Variants in COL24A1 observed in about 807,000 individuals in gnomAD.
COL24A1 encodes collagen alpha-1(XXIV) chain.
Under a neutral mutation model 253.9 loss-of-function variants are expected in COL24A1, and 224 were observed. The observed-to-expected ratio is 0.88, with a 90% CI of 0.79 to 0.99. The LOEUF is 0.99. Ranked by LOEUF, COL24A1 falls within the 50% of genes least tolerant of loss-of-function variation. COL24A1 has a pLI of 0.00. For synonymous variants in COL24A1, 685 were observed against 673.7 expected, an observed-to-expected ratio of 1.02 and a Z score of -0.26; for missense variants, 2,131 against 2,068.5, an observed-to-expected ratio of 1.03 and a Z score of -0.59.
At chr1:86,156,005 G>T in intron 1 of COL24A1, 1 of 239,946 alleles carries the variant, frequency 4.2e-6, no homozygotes, top group Non-Finnish European at 8.0e-6. Context: ...CGAGGGCGGC[G>T]GGAGCTGGAG....
intron 28 of COL24A1, among the ~76,000 whole-genome samples, chr1:85,897,386 A>G (rs924941627): frequency 6.6e-6 from 1 of 152,006 alleles, no homozygotes; most frequent in African/African-American, 2.4e-5. Context: ...CACCTCCTGT[A>G]CACGTACCCC....
chr1:85,804,983 G>A (rs927092959), intron 47 of COL24A1, among the ~76,000 whole-genome samples: 1 of 151,986 alleles, frequency 6.6e-6, no homozygotes. Context: ...AGTAGCTATA[G>A]GCACATGCTA....
chr1:86,100,009 C>T (rs573796296), intron 5 of COL24A1, among the ~76,000 whole-genome samples: 1 of 152,118 alleles, frequency 6.6e-6, no homozygotes, highest in South Asian at 2.1e-4. Context: ...ATAAATCATG[C>T]TGCTATAAAG....
intron 24 of COL24A1, among the ~76,000 whole-genome samples, chr1:85,958,361 C>T (rs1334401763): frequency 6.6e-6 from 1 of 152,024 alleles, no homozygotes; most frequent in South Asian, 2.1e-4. Flanking sequence ...TTGTCATAGT[C>T]CCTTGTACTA....
At chr1:85,961,596 G>A (rs917366793) in intron 23 of COL24A1, among the ~76,000 whole-genome samples, 1 of 152,090 alleles carries the variant, frequency 6.6e-6, no homozygotes, top group African/African-American at 2.4e-5. Context: ...AAATAGTAAC[G>A]TATCAGTCTG....
At chr1:85,964,886 C>T in intron 23 of COL24A1, 123 bp downstream of exon 23, 1 of 755,470 alleles carries the variant, frequency 1.3e-6, no homozygotes, top group South Asian at 2.1e-5. Flanking sequence ...CTCTTTGTAA[C>T]AGTTTTAACA....
intron 32 of COL24A1, among the ~76,000 whole-genome samples, chr1:85,881,231 A>G (rs539340296): frequency 1.5e-5 from 2 of 132,646 alleles, no homozygotes; most frequent in African/African-American, 5.8e-5. Flanking sequence ...AGGTTGAGGA[A>G]GATATTGATG....
intron 43 of COL24A1, among the ~76,000 whole-genome samples, chr1:85,832,315 T>C (rs1284112715): frequency 3.3e-5 from 5 of 152,090 alleles, no homozygotes; most frequent in African/African-American, 1.2e-4. Context: ...TACCATGCTG[T>C]TTTGGTTACT....
At chr1:86,073,849 A>G (rs1702048348) in intron 7 of COL24A1, among the ~76,000 whole-genome samples, 1 of 152,248 alleles carries the variant, frequency 6.6e-6, no homozygotes, top group African/African-American at 2.4e-5. Context: ...TTCAACCCAG[A>G]ATTTCATATC....
chr1:85,976,735 T>C (rs1428128551), intron 20 of COL24A1, among the ~76,000 whole-genome samples: 4 of 152,160 alleles, frequency 2.6e-5, no homozygotes, highest in African/African-American at 4.8e-5. Context: ...CAGGATATTA[T>C]GGCAACTCAT....
intron 7 of COL24A1, among the ~76,000 whole-genome samples, chr1:86,066,088 G>A (rs1309317264): frequency 1.3e-5 from 2 of 152,168 alleles, no homozygotes; most frequent in Non-Finnish European, 2.9e-5. Context: ...ATGCTGCTAA[G>A]ATAAGCTGCT....
At chr1:85,977,186 A>C (rs1452405758) in intron 20 of COL24A1, among the ~76,000 whole-genome samples, 2 of 152,202 alleles carry the variant, frequency 1.3e-5, no homozygotes, top group African/African-American at 4.8e-5. Context: ...GCACCACATC[A>C]AGGGATCACC....
chr1:85,794,142 T>C (rs1337112460), intron 47 of COL24A1, among the ~76,000 whole-genome samples: 1 of 152,150 alleles, frequency 6.6e-6, no homozygotes, highest in Non-Finnish European at 1.5e-5. Context: ...TGTGAGCCTC[T>C]TATCTCCAGA....
At chr1:85,980,369 G>A (rs1044454568) in intron 20 of COL24A1, among the ~76,000 whole-genome samples, 2 of 151,752 alleles carry the variant, frequency 1.3e-5, no homozygotes, top group African/African-American at 4.8e-5. Context: ...ATAAAGAATC[G>A]GTAAAGAGGA....
At chr1:86,011,169 C>G (rs972742915) in intron 19 of COL24A1, among the ~76,000 whole-genome samples, 2 of 151,852 alleles carry the variant, frequency 1.3e-5, no homozygotes, top group African/African-American at 4.8e-5. Context: ...TATGAGTTTC[C>G]TTACATGGTT....
intron 22 of COL24A1, among the ~76,000 whole-genome samples, chr1:85,967,423 A>G (rs1235510089): frequency 6.6e-6 from 1 of 152,210 alleles, no homozygotes; most frequent in Admixed American, 6.5e-5. Flanking sequence ...ACAAGACACA[A>G]TGGAAAGGCA....
chr1:86,050,450 T>C (rs1032932893), intron 10 of COL24A1, among the ~76,000 whole-genome samples: 2 of 151,990 alleles, frequency 1.3e-5, no homozygotes, highest in Non-Finnish European at 2.9e-5. Flanking sequence ...GGGCAGAAAA[T>C]ATATGTATAT....
At chr1:86,041,750 T>A (rs1378537763) in intron 12 of COL24A1, among the ~76,000 whole-genome samples, 2 of 152,136 alleles carry the variant, frequency 1.3e-5, no homozygotes, top group African/African-American at 2.4e-5. Flanking sequence ...TCCAAGAAGA[T>A]TCTCAAATAA....
intron 47 of COL24A1, among the ~76,000 whole-genome samples, chr1:85,806,869 G>T (rs1242219444): frequency 1.3e-5 from 2 of 152,208 alleles, no homozygotes; most frequent in African/African-American, 2.4e-5. Context: ...GAATGGGAAT[G>T]AAGTCCCCTG....
Sources: gnomAD v4.1 joint callset for allele counts (sites outside exome capture counted in the v4.1 genomes callset) on GRCh38, gnomAD v4.1.1 for gene constraint, MANE v1.5 for transcripts, NCBI Gene and HGNC (gene_info 2026-07-23, HGNC 2026-07-21) for gene names.